SPATA13: variants seen among roughly 807,000 people sequenced by gnomAD.
The protein encoded by SPATA13 is spermatogenesis-associated protein 13.
A neutral mutation model predicts 104.0 loss-of-function variants in SPATA13; 50 were observed. That is an observed-to-expected ratio of 0.48 (90% confidence interval 0.38 to 0.61). The LOEUF (loss-of-function observed/expected upper bound fraction) is 0.61, where lower values mean the gene tolerates loss of function less well. Among genes scored for constraint, SPATA13 ranks in the 20% least tolerant of loss-of-function variants. The pLI, the probability that SPATA13 is intolerant of heterozygous loss-of-function variation, is 0.00. For missense variants in SPATA13, 1,524 were observed against 1,690.6 expected (o/e 0.90, Z 1.73); for synonymous variants, 606 against 667.5 (o/e 0.91, Z 1.42).
chr13:24,203,989 G>T lies in SPATA13; in HGVS notation c.-111-18830G>T, dbSNP rs532671972. Among the ~76,000 whole-genome samples the T allele has an allele frequency of 1.1e-4, 17 of 152,260 alleles. No individual in the cohort carries two copies. The South Asian group carries it at 3.5e-3, about 32-fold the overall frequency. On this transcript the variant is annotated intron_variant, in intron 1 of 12. Transcript: ENST00000382108. ...GAGGGTGCCTCAGTCATGCAAAAATGTAACTTAATGTAATGTGGTGTGTGT... is the reference window on the plus strand; with the variant it reads ...GAGGGTGCCTCAGTCATGCAAAAATTTAACTTAATGTAATGTGGTGTGTGT...
intron 3 of SPATA13, among the ~76,000 whole-genome samples, chr13:24,140,570 G>A (rs1881730854): frequency 6.6e-6 from 1 of 152,182 alleles, no homozygotes; most frequent in Non-Finnish European, 1.5e-5. Context: ...AGAGTCAAAC[G>A]TTCCTCTTCA....
At chr13:23,980,434 C>T (rs1377201500) in intron 1 of SPATA13, among the ~76,000 whole-genome samples, 1 of 152,234 alleles carries the variant, frequency 6.6e-6, no homozygotes, top group Non-Finnish European at 1.5e-5. Flanking sequence ...GTGTGTGTGT[C>T]TGTCGGTGTC....
intron 3 of SPATA13, among the ~76,000 whole-genome samples, chr13:24,032,504 A>T (rs1374428141): frequency 1.3e-5 from 2 of 152,186 alleles, no homozygotes; most frequent in East Asian, 3.8e-4. Context: ...TCTGCCAGAG[A>T]TTTCATAAGG....
Position 24,221,027 on chromosome 13 carries a change from A to C in SPATA13, c.-111-1792A>C, listed in dbSNP as rs2027437. Reference sequence around the variant, plus strand: ...CCTCTGTGGCCTTGGAGGTAATGGCATTGACTGATGTCTAAAGATTTTTGG... The same window carrying C: ...CCTCTGTGGCCTTGGAGGTAATGGCCTTGACTGATGTCTAAAGATTTTTGG... On this transcript the variant is annotated intron_variant, in intron 1 of 12. Coordinates refer to ENST00000382108, the MANE Select transcript of SPATA13 (RefSeq NM_001166271.3). 0.017 allele frequency among the ~76,000 whole-genome samples: 2,529 copies of C among 152,286 alleles called. 130 individuals are homozygous for C. The East Asian group carries it at 0.18, about 11-fold the overall frequency.
At chr13:24,070,307 G>A (rs141470068) in intron 3 of SPATA13, among the ~76,000 whole-genome samples, 1 of 152,300 alleles carries the variant, frequency 6.6e-6, no homozygotes, top group Non-Finnish European at 1.5e-5. Context: ...GCTGACCAGG[G>A]CTGCAGCATT....
Position 24,051,808 on chromosome 13 carries a change from A to T in SPATA13, c.-112+34107A>T. On this transcript the variant is annotated intron_variant, in intron 3 of 14. Coordinates refer to the SPATA13 transcript ENST00000424834. This position sits in a 1 kb window ranked among gnomAD's most constrained non-coding sequence, Gnocchi z 4.2. ...AGGCTGCAAGAGCCTGCTAAGAGTT[A>T]TGTTCTCCAGGGCAGGGCAGAGGGA... Among the ~76,000 whole-genome samples, 1 of 152,266 alleles carries T rather than the reference A, an allele frequency of 6.6e-6. No homozygotes were observed. Among genetic ancestry groups the T allele is most frequent in the Non-Finnish European group, 1.5e-5 (1 of 68,010 alleles).
intron 4 of SPATA13, among the ~76,000 whole-genome samples, chr13:24,267,203 A>T (rs989625932): frequency 1.3e-5 from 2 of 152,152 alleles, no homozygotes; most frequent in Admixed American, 6.5e-5. Flanking sequence ...GCCACAGAAT[A>T]GTGTGACTCT....
intron 1 of SPATA13, among the ~76,000 whole-genome samples, chr13:24,195,970 A>G (rs954327331): frequency 1.3e-5 from 2 of 152,210 alleles, no homozygotes; most frequent in Non-Finnish European, 2.9e-5. Flanking sequence ...AAAAATTAAA[A>G]ATTTAAGCAT....
intron 2 of SPATA13, among the ~76,000 whole-genome samples, chr13:24,231,269 CT>C (rs1872257352): frequency 6.6e-6 from 1 of 152,236 alleles, no homozygotes; most frequent in African/African-American, 2.4e-5. Context: ...CAGTCACTTT[CT>C]GTTCCTAGCC....
intron 3 of SPATA13, among the ~76,000 whole-genome samples, chr13:24,030,085 C>CAT (rs1877414616): frequency 6.6e-6 from 1 of 151,208 alleles, no homozygotes. Context: ...CACACACACA[C>CAT]ACACATACAT....
At chr13:23,984,672 GAA>G (rs1875065002) in intron 2 of SPATA13, among the ~76,000 whole-genome samples, 1 of 152,202 alleles carries the variant, frequency 6.6e-6, no homozygotes, top group Admixed American at 6.5e-5. Flanking sequence ...CTTTTCCAAG[GAA>G]CACGGAAAGT....
chr13:24,028,827 T>C (rs922604441), intron 3 of SPATA13, among the ~76,000 whole-genome samples: 4 of 152,330 alleles, frequency 2.6e-5, no homozygotes, highest in African/African-American at 4.8e-5. Context: ...TCAATAATTA[T>C]ATTTCTCTAT....
chr13:24,030,141 G>A (rs553849388), intron 3 of SPATA13, among the ~76,000 whole-genome samples: 59 of 151,838 alleles, frequency 3.9e-4, no homozygotes, highest in African/African-American at 1.4e-3. Context: ...CCCCCACAGC[G>A]TGGTGCATTT....
chr13:24,021,419 G>T (rs967307692), intron 3 of SPATA13, among the ~76,000 whole-genome samples: 1 of 152,228 alleles, frequency 6.6e-6, no homozygotes, highest in Non-Finnish European at 1.5e-5. Flanking sequence ...CTTGAGCCCA[G>T]GAGTTTGAGG....
intron 11 of SPATA13, among the ~76,000 whole-genome samples, chr13:24,299,364 CTG>C (rs1157340476): frequency 2.6e-5 from 4 of 152,254 alleles, no homozygotes; most frequent in African/African-American, 9.6e-5. Flanking sequence ...GCCAGTAAGT[CTG>C]TGAACTGGCA....
chr13:24,106,510 G>T (rs1880459088), intron 3 of SPATA13, among the ~76,000 whole-genome samples: 1 of 152,172 alleles, frequency 6.6e-6, no homozygotes, highest in Non-Finnish European at 1.5e-5. Flanking sequence ...CACTTCAGTT[G>T]AGCAGTTGTG....
chr13:24,166,159 A>G (rs553207431), intron 1 of SPATA13, among the ~76,000 whole-genome samples: 1 of 152,246 alleles, frequency 6.6e-6, no homozygotes, highest in Non-Finnish European at 1.5e-5. Flanking sequence ...GCATAAATGT[A>G]TATGTAATAC....
At chr13:24,107,405 G>A (rs568413546) in intron 3 of SPATA13, among the ~76,000 whole-genome samples, 19 of 152,180 alleles carry the variant, frequency 1.2e-4, no homozygotes, top group Non-Finnish European at 2.4e-4. Context: ...CAAGGAGCCC[G>A]AAAAATGGTT....
At chr13:24,026,808 ACCTCGTGATCCGC>A (rs61296399) in intron 3 of SPATA13, among the ~76,000 whole-genome samples, 118,579 of 151,688 alleles carry the variant, frequency 0.78, 46,951 homozygotes, top group Middle Eastern at 0.86. Context: ...GGATCTCCTG[ACCTCGTGATCCGC>A]CCTTGTGATC....
Sources: gnomAD v4.1 joint callset for allele counts (sites outside exome capture counted in the v4.1 genomes callset) on GRCh38, gnomAD v4.1.1 for gene constraint, Gnocchi (gnomAD v3.1) non-coding constraint, MANE v1.5 for transcripts, NCBI Gene and HGNC (gene_info 2026-07-23, HGNC 2026-07-21) for gene names.